Variants in ZC3H7B observed in about 807,000 individuals in gnomAD.
ZC3H7B encodes zinc finger CCCH-type containing 7B, also known as zinc finger CCCH domain-containing protein 7B.
A neutral mutation model predicts 116.0 loss-of-function variants in ZC3H7B; 35 were observed. The ratio of observed to expected loss-of-function variants is 0.30; its 90% CI spans 0.23 to 0.40. The LOEUF is 0.40. Among genes scored for constraint, ZC3H7B ranks in the 10% least tolerant of loss-of-function variants. The pLI, the probability that ZC3H7B is intolerant of heterozygous loss-of-function variation, is 1.00. For missense variants in ZC3H7B, 1,011 were observed against 1,321.5 expected (o/e 0.77, Z 3.64); for synonymous variants, 502 against 545.6 (o/e 0.92, Z 1.11).
chr22:41,343,591 G>T lies in ZC3H7B; in HGVS notation c.1459+15G>T, dbSNP rs543242592. ...CCTGTGCAAAGGTGGGTGGGCTGCA[G>T]CGGGGCAGGCAGCACAGCTGGGGCC... On this transcript the variant is annotated intron_variant, in intron 13 of 22. Transcript: ENST00000352645. 1 of 1,581,242 alleles carries T rather than the reference G, an allele frequency of 6.3e-7. No homozygotes were observed. The highest frequency in any genetic ancestry group is 1.1e-5 in the South Asian group (1 of 87,946).
At chr22:41,330,128 G>A (rs761020852) in intron 6 of ZC3H7B, 25 bp downstream of exon 6, 1 of 1,613,042 alleles carries the variant, frequency 6.2e-7, no homozygotes, top group Non-Finnish European at 8.5e-7. Context: ...GACCCTGGGA[G>A]GGTCGGTGTG....
chr22:41,308,911 G>A (rs927673063), intron 1 of ZC3H7B, among the ~76,000 whole-genome samples: 47 of 151,832 alleles, frequency 3.1e-4, no homozygotes, highest in Admixed American at 1.8e-3. Flanking sequence ...TGCTAGGTAG[G>A]TGCCCTCTTA....
At chr22:41,322,366 T>C (rs1338760450) in intron 2 of ZC3H7B, among the ~76,000 whole-genome samples, 1 of 151,356 alleles carries the variant, frequency 6.6e-6, no homozygotes, top group African/African-American at 2.4e-5. Context: ...TTTCGTATTT[T>C]TAGTAGAGAC....
At position 41,357,319 on chromosome 22, in the gene ZC3H7B, C is replaced by T. The variant is rs769927034; in HGVS notation, c.2824C>T (p.Arg942Trp). ...KARKDMLLCP[R>W]DDDFGKYNFL... ...TCGCAAGGACATGCTGCTGTGCCCA[C>T]GGGACGACGACTTTGGCAAATACAA... is the stretch of plus-strand genomic sequence containing the variant. The change falls in exon 23 of 23, where the codon CGG (arginine) becomes TGG (tryptophan). Residue 942 changes from arginine (R) to tryptophan (W), a missense_variant. By Grantham distance (101) the Arg-to-Trp change is moderately radical. Transcript: ENST00000352645. This position sits in a 1 kb window ranked among gnomAD's most constrained non-coding sequence, Gnocchi z 5.4. 5 of 1,613,612 alleles carry T rather than the reference C, an allele frequency of 3.1e-6. No individual in the cohort carries two copies. Among genetic ancestry groups the T allele is most frequent in the Non-Finnish European group, 1.7e-6 (2 of 1,179,984 alleles).
In ZC3H7B at chr22:41,313,913, AT is replaced by A. The variant is rs78941029; in HGVS notation, c.-6-6729del. The stretch of plus-strand genomic sequence containing the variant: ...AGGCACCCGCCATCATGCCTGGCTA[AT>A]TTTTTTTTTTTTCGTATTTTTGTAG... On this transcript the variant is annotated intron_variant, in intron 1 of 22. Transcript: ENST00000352645. 5.7e-3 allele frequency among the ~76,000 whole-genome samples: 801 copies of A among 141,358 alleles called. 5 individuals carry two copies. Among genetic ancestry groups the A allele is most frequent in the African/African-American group, 0.016 (631 of 38,762 alleles). The allele number at this position is 141,358 out of a possible 152,430, so 92.7% of individuals were successfully genotyped here.
At chr22:41,321,829 CTTTTTTTTTTTT>C (rs199611879) in intron 2 of ZC3H7B, among the ~76,000 whole-genome samples, 14 of 91,020 alleles carry the variant, frequency 1.5e-4, no homozygotes, top group East Asian at 1.0e-3. Context: ...AACTCACATT[CTTTTTTTTTTTT>C]TTTTTTTTTT....
In ZC3H7B at chr22:41,338,322, A is replaced by G. The variant is rs1244726734; in HGVS notation, c.592A>G (p.Asn198Asp). 6.2e-7 allele frequency: 1 copy of G among 1,613,474 alleles called. No homozygotes were observed. The highest frequency in any genetic ancestry group is 8.5e-7 in the Non-Finnish European group (1 of 1,179,894). ...AAGVADQGTSNGLGSIDDIET... is the reference protein window; with the variant it reads ...AAGVADQGTSDGLGSIDDIET... ...GGCCCTCTCCCCACAGGGAACTTCT[A>G]ATGGATTGGGGTCCATAGATGACAT... The change falls in exon 8 of 23, where the codon AAT (asparagine) becomes GAT (aspartate). Residue 198 changes from asparagine to aspartate, a missense_variant. By Grantham distance (23) the Asn-to-Asp change is conservative. This residue lies in a region of ZC3H7B where 322 missense variants were observed against 443.9 expected (regional missense o/e 0.73). Transcript: ENST00000352645. This position sits in a 1 kb window ranked among gnomAD's most constrained non-coding sequence, Gnocchi z 4.5.
In ZC3H7B at chr22:41,339,149, G is replaced by T. The variant is rs999459192; in HGVS notation, c.774G>T (p.Gly258=). 45 of 1,612,860 alleles carry T rather than the reference G, an allele frequency of 2.8e-5. No individual in the cohort carries two copies. Among genetic ancestry groups the T allele is most frequent in the African/African-American group, 4.0e-5 (3 of 74,882 alleles). The change falls in exon 9 of 23, where the codon GGG becomes GGT. Residue 258 remains glycine (G), a synonymous_variant. Coordinates refer to ENST00000352645, the MANE Select transcript of ZC3H7B (RefSeq NM_017590.6). ...STDSLDDFSD[G]DVFGPELDTL... is the part of the protein sequence containing the mutation. ...ACAGCCTGGATGACTTCTCAGACGG[G>T]GATGTCTTTGGCCCAGAGCTGGACA...
At position 41,325,427 on chromosome 22, in the gene ZC3H7B, A is replaced by C. The variant is rs908682069; in HGVS notation, c.54-137A>C. The C allele has an allele frequency of 1.1e-5, 12 of 1,139,490 alleles. No homozygotes were observed. In the African/African-American group the frequency reaches 1.9e-4, roughly 18 times the overall value. The allele number at this position is 1,139,490 out of a possible 1,614,324, so 70.6% of individuals were successfully genotyped here. On this transcript the variant is annotated intron_variant, in intron 2 of 22. Transcript: ENST00000352645. ...TGGAAGGCCTGCATGGCAATGATTTAGGAGAAGAAAACCGCAGTCTGTTCA... is the reference window on the plus strand; with the variant it reads ...TGGAAGGCCTGCATGGCAATGATTTCGGAGAAGAAAACCGCAGTCTGTTCA...
Position 41,349,027 on chromosome 22 carries a change from G to A in ZC3H7B, c.1767-93G>A, listed in dbSNP as rs1734299456. ...GTACATAGATCAGGGGGTGCCCAGG[G>A]AGAGCCTGGCACTGGGAAGGTGGCC... is the stretch of plus-strand genomic sequence containing the variant. On this transcript the variant is annotated intron_variant, in intron 15 of 22. Transcript: ENST00000352645. This position sits in a 1 kb window ranked among gnomAD's most constrained non-coding sequence, Gnocchi z 4.9. 2 of 1,376,802 alleles carry A rather than the reference G, an allele frequency of 1.5e-6. No individual in the cohort carries two copies. Among genetic ancestry groups the A allele is most frequent in the Non-Finnish European group, 2.0e-6 (2 of 1,006,202 alleles). The allele number at this position is 1,376,802 out of a possible 1,614,324, so 85.3% of individuals were successfully genotyped here. A position where few individuals can be genotyped will look rare whatever the true frequency, so the allele number is the denominator to read the frequency against.
In ZC3H7B at chr22:41,327,121, G is replaced by A. The variant is rs2036328984; in HGVS notation, c.286-85G>A. ...CTGTCTCTGCCAGGAAGGGAAGCTG[G>A]TGTTCCTTCCTAGGCAGGGGCAGGA... On this transcript the variant is annotated intron_variant, in intron 4 of 22. Coordinates refer to ENST00000352645, the MANE Select transcript of ZC3H7B (RefSeq NM_017590.6). The surrounding 1 kb of genome is among the most constrained non-coding windows in gnomAD (Gnocchi z 4.5). 6.4e-7 allele frequency: 1 copy of A among 1,551,086 alleles called. No homozygotes were observed. Among genetic ancestry groups the A allele is most frequent in the African/African-American group, 1.4e-5 (1 of 73,928 alleles).
chr22:41,357,450 T>G lies in ZC3H7B; in HGVS notation c.*21T>G. The G allele has an allele frequency of 6.3e-7, 1 of 1,599,546 alleles. No homozygotes were observed. Among genetic ancestry groups the G allele is most frequent in the Non-Finnish European group, 8.5e-7 (1 of 1,175,426 alleles). ...AGTAGGGCCAGGTGTTGGCCGTGGG[T>G]GAAGTCCTGGGGTCAGGGGGTGGGG... On this transcript the variant is annotated 3_prime_UTR_variant, in exon 23 of 23. Coordinates refer to ENST00000352645, the MANE Select transcript of ZC3H7B (RefSeq NM_017590.6). This position sits in a 1 kb window ranked among gnomAD's most constrained non-coding sequence, Gnocchi z 5.4.
intron 1 of ZC3H7B, among the ~76,000 whole-genome samples, chr22:41,304,318 G>C (rs1277655531): frequency 6.6e-6 from 1 of 151,760 alleles, no homozygotes; most frequent in Non-Finnish European, 1.5e-5. Context: ...TCTGCCTCCC[G>C]GGTTCAAGTG....
chr22:41,330,647 G>C (rs530142020), intron 6 of ZC3H7B, among the ~76,000 whole-genome samples: 2 of 152,232 alleles, frequency 1.3e-5, no homozygotes, highest in South Asian at 4.1e-4. Flanking sequence ...GGATTAAAAA[G>C]AGAGAATGGA....
At chr22:41,320,617 C>T in intron 1 of ZC3H7B, 38 bp from the exon 2 acceptor site, 2 of 1,613,174 alleles carry the variant, frequency 1.2e-6, no homozygotes, top group Non-Finnish European at 1.7e-6. Flanking sequence ...CAGCCTGGCT[C>T]TTGCTGACTG....
In ZC3H7B at chr22:41,325,732, C is replaced by T. The variant is rs752648486; in HGVS notation, c.99C>T (p.Leu33=). ...LKQEEYEAFL[L]KLVQNLFAEG... ...CTTGCCCCCAACAGGCCTTTCTGCT[C>T]AAGCTGGTGCAGAATCTGTTTGCTG... Residue 33 remains leucine, a synonymous_variant, in exon 4 of 23, where the codon CTC becomes CTT. Coordinates refer to ENST00000352645, the MANE Select transcript of ZC3H7B (RefSeq NM_017590.6). The T allele has an allele frequency of 2.5e-6, 4 of 1,613,380 alleles. No individual in the cohort carries two copies. Among genetic ancestry groups the T allele is most frequent in the Admixed American group, 3.3e-5 (2 of 59,886 alleles).
At chr22:41,305,010 GA>G (rs2036020915) in intron 1 of ZC3H7B, among the ~76,000 whole-genome samples, 1 of 152,110 alleles carries the variant, frequency 6.6e-6, no homozygotes, top group African/African-American at 2.4e-5. Context: ...TCACGAGTTC[GA>G]GACCAGACCT....
chr22:41,335,613 T>C (rs2036434841), intron 7 of ZC3H7B: 1 of 152,354 alleles, frequency 6.6e-6, no homozygotes, highest in Admixed American at 6.5e-5. Context: ...ATAGCAGCTC[T>C]GTGATCCAGC....
At chr22:41,321,830 T>TC (rs71202701) in intron 2 of ZC3H7B, among the ~76,000 whole-genome samples, 3 of 5,344 alleles carry the variant, frequency 5.6e-4, no homozygotes. Flanking sequence ...ACTCACATTC[T>TC]TTTTTTTTTT....
Sources: gnomAD v4.1 joint callset for allele counts (sites outside exome capture counted in the v4.1 genomes callset) on GRCh38, gnomAD v4.1.1 for gene constraint, gnomAD v4.1.1 regional missense constraint, Gnocchi (gnomAD v3.1) non-coding constraint, MANE v1.5 for transcripts, NCBI Gene and HGNC (gene_info 2026-07-23, HGNC 2026-07-21) for gene names.